Variants in PAMR1 observed in about 807,000 individuals in gnomAD.
The protein encoded by PAMR1 is peptidase domain containing associated with muscle regeneration 1, also known as inactive serine protease PAMR1.
In PAMR1, 88 loss-of-function variants were observed where a neutral mutation model predicts 81.8. The ratio of observed to expected loss-of-function variants is 1.08; its 90% CI spans 0.91 to 1.28. The LOEUF (loss-of-function observed/expected upper bound fraction) is 1.28, where lower values mean the gene tolerates loss of function less well. Ranked by LOEUF, PAMR1 falls within the 50% of genes most tolerant of loss-of-function variation. The pLI, the probability that PAMR1 is intolerant of heterozygous loss-of-function variation, is 0.00. For missense variants in PAMR1, 935 were observed against 919.7 expected (o/e 1.02, Z -0.21); for synonymous variants, 336 against 345.3 (o/e 0.97, Z 0.30).
At chr11:35,529,514 T>C (rs937105890), upstream of PAMR1, among the ~76,000 whole-genome samples, 1 of 152,214 alleles carries the variant, frequency 6.6e-6, no homozygotes, top group Non-Finnish European at 1.5e-5. Context: ...TGAATGCAGA[T>C]GGACCACTCG....
rs143846452 is a variant in PAMR1 at position 35,468,108 on chromosome 11, G to T, written c.713C>A (p.Ala238Glu). The T allele has an allele frequency of 1.9e-6, 3 of 1,547,808 alleles. No individual in the cohort carries two copies. The highest frequency in any genetic ancestry group is 2.6e-6 in the Non-Finnish European group (3 of 1,143,280). The change falls in exon 6 of 11, where the codon GCA (alanine) becomes GAA (glutamate). Residue 238 changes from alanine to glutamate, a missense_variant and splice_region_variant. By Grantham distance (107) the Ala-to-Glu change is moderately radical. Coordinates refer to ENST00000619888, the MANE Select transcript of PAMR1 (RefSeq NM_001001991.3). ...ATGGAAACAAGGGGATGAGGAGCAT[G>T]CTGTAAGAGAAAAGGCATCCTTCAG... ...GFHAIYEEIT[A>E]CSSSPCFHDG...
intron 1 of PAMR1, among the ~76,000 whole-genome samples, chr11:35,516,621 A>G (rs905519236): frequency 2.0e-5 from 3 of 152,228 alleles, no homozygotes; most frequent in Non-Finnish European, 2.9e-5. Context: ...AGGCAGGAAT[A>G]AAGTAGGTCC....
intron 6 of PAMR1, among the ~76,000 whole-genome samples, chr11:35,457,431 T>C (rs531285875): frequency 6.6e-6 from 1 of 152,268 alleles, no homozygotes; most frequent in South Asian, 2.1e-4. Flanking sequence ...CTCCAGCTTG[T>C]AGACAGCATA....
At chr11:35,477,929 A>G (rs975950358) in intron 3 of PAMR1, among the ~76,000 whole-genome samples, 3 of 152,026 alleles carry the variant, frequency 2.0e-5, no homozygotes, top group African/African-American at 7.2e-5. Context: ...CCATCTACCC[A>G]TCTGCTGCTG....
At chr11:35,469,364 G>A (rs570197100) in intron 5 of PAMR1, among the ~76,000 whole-genome samples, 9 of 152,212 alleles carry the variant, frequency 5.9e-5, no homozygotes, top group African/African-American at 1.9e-4. Flanking sequence ...TCTCCTGACC[G>A]TCCCTCAGTC....
At chr11:35,496,996 T>C (rs1258401694) in intron 1 of PAMR1, among the ~76,000 whole-genome samples, 1 of 151,946 alleles carries the variant, frequency 6.6e-6, no homozygotes, top group Non-Finnish European at 1.5e-5. Context: ...TGAAACCTCA[T>C]CTCAACTAAA....
At chr11:35,437,042 T>C (rs1357707748) in intron 8 of PAMR1, among the ~76,000 whole-genome samples, 3 of 152,142 alleles carry the variant, frequency 2.0e-5, no homozygotes, top group African/African-American at 7.2e-5. Flanking sequence ...GAATAGAACT[T>C]TCTCTCAGGG....
intron 1 of PAMR1, among the ~76,000 whole-genome samples, chr11:35,495,598 T>A (rs1477907713): frequency 6.6e-6 from 1 of 152,144 alleles, no homozygotes; most frequent in South Asian, 2.1e-4. Flanking sequence ...AGGAAGTGAA[T>A]CCGGACAAGA....
chr11:35,443,657 G>A (rs1856229078), intron 6 of PAMR1, among the ~76,000 whole-genome samples: 1 of 152,176 alleles, frequency 6.6e-6, no homozygotes, highest in Non-Finnish European at 1.5e-5. Flanking sequence ...TGTGACCAGT[G>A]ATGCAATGAA....
intron 4 of PAMR1, among the ~76,000 whole-genome samples, chr11:35,474,423 C>A (rs1850247142): frequency 6.6e-6 from 1 of 152,184 alleles, no homozygotes; most frequent in Non-Finnish European, 1.5e-5. Context: ...GGGTCAAAAT[C>A]ATCTGAGCCC....
In PAMR1 at chr11:35,492,076, G is replaced by A; in HGVS notation, c.348C>T (p.Cys116=). The A allele has an allele frequency of 6.2e-7, 1 of 1,613,810 alleles. No individual in the cohort carries two copies. Among genetic ancestry groups the A allele is most frequent in the Non-Finnish European group, 8.5e-7 (1 of 1,179,804 alleles). Residue 116 remains cysteine (C), a synonymous_variant, in exon 3 of 11, where the codon TGC becomes TGT. Transcript: ENST00000619888. ...FYVKGFYCAE[C]RAGWYGGDCM... ...AGTCTCCTCCGTACCAGCCTGCTCG[G>A]CACTCTGCACAGTAGAACCCCTTCA...
At chr11:35,474,247 T>C (rs1440540705) in intron 4 of PAMR1, among the ~76,000 whole-genome samples, 1 of 152,252 alleles carries the variant, frequency 6.6e-6, no homozygotes, top group East Asian at 1.9e-4. Flanking sequence ...GTGACAAGCA[T>C]CAGCCCCAAT....
At chr11:35,434,400 G>T in intron 10 of PAMR1, 112 bp downstream of exon 10, 2 of 1,015,272 alleles carry the variant, frequency 2.0e-6, no homozygotes, top group East Asian at 2.4e-5. Context: ...GCGAGGCTCT[G>T]GGCTGGCTGC....
chr11:35,489,341 A>G (rs1014135191), intron 3 of PAMR1, among the ~76,000 whole-genome samples: 4 of 152,202 alleles, frequency 2.6e-5, no homozygotes, highest in Non-Finnish European at 4.4e-5. Context: ...AAGAATTTGA[A>G]AGGCAAACTC....
chr11:35,432,088 G>A lies in PAMR1; in HGVS notation c.*268C>T. Reference sequence around the variant, plus strand: ...AAGACCACCAGGTCAGTGGAGTGGAGAGGTTTTGTATATGGTCTTCTTTGA... The same window carrying A: ...AAGACCACCAGGTCAGTGGAGTGGAAAGGTTTTGTATATGGTCTTCTTTGA... On this transcript the variant is annotated 3_prime_UTR_variant, in exon 11 of 11. Coordinates refer to ENST00000619888, the MANE Select transcript of PAMR1 (RefSeq NM_001001991.3). 3 of 446,254 alleles carry A rather than the reference G, an allele frequency of 6.7e-6. No individual in the cohort carries two copies. Among genetic ancestry groups the A allele is most frequent in the South Asian group, 6.2e-5 (2 of 32,206 alleles). 27.6% of individuals were successfully genotyped at this position (446,254 alleles called of 1,614,324 possible). A position where few individuals can be genotyped will look rare whatever the true frequency, so the allele number is the denominator to read the frequency against.
At chr11:35,478,868 G>C (rs1850330445) in intron 3 of PAMR1, among the ~76,000 whole-genome samples, 2 of 152,130 alleles carry the variant, frequency 1.3e-5, no homozygotes, top group African/African-American at 4.8e-5. Flanking sequence ...CTGTGTGTGT[G>C]TAGTGATATC....
intron 3 of PAMR1, among the ~76,000 whole-genome samples, chr11:35,479,907 G>A (rs1850353152): frequency 6.6e-6 from 1 of 152,178 alleles, no homozygotes; most frequent in African/African-American, 2.4e-5. Context: ...AAGGTACTCC[G>A]AATGATGCCT....
intron 1 of PAMR1, among the ~76,000 whole-genome samples, chr11:35,511,892 C>T (rs146105777): frequency 5.4e-3 from 827 of 152,240 alleles, no homozygotes; most frequent in Middle Eastern, 0.02. Flanking sequence ...GAGTCAGAGG[C>T]GACAGATTGC....
chr11:35,440,860 C>G (rs537124937), intron 7 of PAMR1, among the ~76,000 whole-genome samples: 1 of 152,314 alleles, frequency 6.6e-6, no homozygotes, highest in African/African-American at 2.4e-5. Flanking sequence ...GACTCCTCTT[C>G]ACATCTACAA....
Sources: allele counts gnomAD v4.1 joint callset (sites outside exome capture counted in the v4.1 genomes callset), GRCh38; gene constraint gnomAD v4.1.1; transcripts MANE v1.5; gene names NCBI Gene and HGNC (gene_info 2026-07-23, HGNC 2026-07-21).